The following EPC1 variants were observed in gnomAD, a reference collection of about 807,000 sequenced individuals.
The protein encoded by EPC1 is enhancer of polycomb homolog 1.
EPC1 carries 12 observed loss-of-function variants against 98.4 expected under a neutral mutation model. That is an observed-to-expected ratio of 0.12 (90% CI 0.08 to 0.20). The LOEUF (loss-of-function observed/expected upper bound fraction) is 0.20. Ranked by LOEUF, EPC1 falls within the 10% of genes least tolerant of loss-of-function variation. The probability of loss-of-function intolerance (pLI) is 1.00; values close to 1 mark genes in which losing one functional copy is unlikely to be tolerated. For synonymous variants in EPC1, 357 were observed against 363.9 expected, an observed-to-expected ratio of 0.98 and a Z score of 0.21; for missense variants, 729 against 990.5, an observed-to-expected ratio of 0.74 and a Z score of 3.54.
At chr10:32,290,678 C>G (rs1836965060) in intron 6 of EPC1, among the ~76,000 whole-genome samples, 1 of 151,578 alleles carries the variant, frequency 6.6e-6, no homozygotes, top group Admixed American at 6.6e-5. Context: ...GGAAGAGAAA[C>G]AAAAATAAAA....
Position 32,295,632 on chromosome 10 carries a change from C to G in EPC1, c.314-1895G>C, listed in dbSNP as rs573762456. ...GATTAAAACTGTTAGATTAAAAACA[C>G]TTGATATATTTTGTTCCTAACCAAA... is the stretch of plus-strand genomic sequence containing the variant. On this transcript the variant is annotated intron_variant, in intron 2 of 13. Transcript: ENST00000319778. Among the ~76,000 whole-genome samples, 3 of 152,256 alleles carry G rather than the reference C, an allele frequency of 2.0e-5. No individual in the cohort carries two copies. The East Asian group carries it at 5.8e-4, about 29-fold the overall frequency.
rs1336563498 is a variant in EPC1 at position 32,346,989 on chromosome 10, C to T, written c.-74G>A. On this transcript the variant is annotated 5_prime_UTR_variant, in exon 1 of 14. Coordinates refer to ENST00000319778, the MANE Select transcript of EPC1 (RefSeq NM_001272004.3). Reference sequence around the variant, plus strand: ...GCGGGATCATGGAGAACCGGGGGTTCGGTCCCCACTCGCCAACCGCTGCCG... The same window carrying T: ...GCGGGATCATGGAGAACCGGGGGTTTGGTCCCCACTCGCCAACCGCTGCCG... 2.5e-6 allele frequency: 4 copies of T among 1,576,144 alleles called. No individual in the cohort carries two copies. The highest frequency in any genetic ancestry group is 1.7e-5 in the Admixed American group (1 of 57,398).
intron 1 of EPC1, among the ~76,000 whole-genome samples, chr10:32,334,602 A>G (rs1429203346): frequency 6.6e-6 from 1 of 152,334 alleles, no homozygotes; most frequent in East Asian, 1.9e-4. Context: ...CTCTTTATAC[A>G]CTAGCTGCTT....
intron 1 of EPC1, among the ~76,000 whole-genome samples, chr10:32,319,273 G>C (rs966485652): frequency 1.3e-5 from 2 of 152,124 alleles, no homozygotes; most frequent in African/African-American, 4.8e-5. Flanking sequence ...TCAGAATCTG[G>C]AAAAAAATTC....
chr10:32,332,433 G>A (rs1454408315), intron 1 of EPC1, among the ~76,000 whole-genome samples: 3 of 152,176 alleles, frequency 2.0e-5, no homozygotes, highest in South Asian at 4.1e-4. Context: ...GTGAACAAGG[G>A]TTGGTCTGTG....
At chr10:32,358,688 G>A (rs946543527) in intron 1 of EPC1, among the ~76,000 whole-genome samples, 5 of 151,114 alleles carry the variant, frequency 3.3e-5, no homozygotes, top group East Asian at 3.9e-4. Flanking sequence ...AAATTTTCAC[G>A]GTTTAAGGCA....
At chr10:32,275,400 G>A (rs1237213835) in intron 10 of EPC1, among the ~76,000 whole-genome samples, 3 of 152,230 alleles carry the variant, frequency 2.0e-5, no homozygotes, top group African/African-American at 7.2e-5. Context: ...TTGGGAGGCC[G>A]AGGTGGGTGG....
At chr10:32,293,569 G>A (rs1834970870) in intron 3 of EPC1, 23 bp downstream of exon 3, 3 of 1,600,686 alleles carry the variant, frequency 1.9e-6, no homozygotes, top group African/African-American at 2.7e-5. Context: ...GTATATACTT[G>A]TTATATACAA....
chr10:32,288,518 T>A (rs1488240554), intron 6 of EPC1, among the ~76,000 whole-genome samples: 3 of 151,920 alleles, frequency 2.0e-5, no homozygotes, highest in Non-Finnish European at 2.9e-5. Flanking sequence ...GCTCGCTAAT[T>A]TTTTGTATTT....
chr10:32,317,496 G>T (rs1015823955), intron 1 of EPC1, among the ~76,000 whole-genome samples: 2 of 152,024 alleles, frequency 1.3e-5, no homozygotes, highest in Admixed American at 1.3e-4. Context: ...AAAAAAATTA[G>T]CCGGGTGTGG....
At chr10:32,283,149 G>T (rs1366796518) in intron 10 of EPC1, 1 of 152,120 alleles carries the variant, frequency 6.6e-6, no homozygotes, top group Non-Finnish European at 1.5e-5. Context: ...AATAACATGG[G>T]TTTGAACTGC....
chr10:32,354,633 T>G (rs1487818600), intron 1 of EPC1, among the ~76,000 whole-genome samples: 2 of 146,904 alleles, frequency 1.4e-5, no homozygotes, highest in Non-Finnish European at 3.0e-5. Context: ...TTCTATAACC[T>G]TAGGATTTAC....
intron 10 of EPC1, chr10:32,283,892 C>T (rs553984560): frequency 2.3e-4 from 35 of 152,144 alleles, no homozygotes; most frequent in African/African-American, 4.6e-4. Flanking sequence ...AATTAGTTTA[C>T]GGAACATTTT....
intron 1 of EPC1, among the ~76,000 whole-genome samples, chr10:32,334,416 C>T (rs796760214): frequency 2.7e-5 from 4 of 150,134 alleles, no homozygotes; most frequent in African/African-American, 9.9e-5. Flanking sequence ...AGATTCTAGA[C>T]TTTGAGCTGT....
intron 1 of EPC1, among the ~76,000 whole-genome samples, chr10:32,368,396 T>G (rs1456781092): frequency 6.6e-6 from 1 of 152,154 alleles, no homozygotes; most frequent in Non-Finnish European, 1.5e-5. Flanking sequence ...CACAGCCACG[T>G]GTGTTCTTCC....
rs78554937 is a variant in EPC1 at position 32,339,859 on chromosome 10, T to A, written c.153+6904A>T. On this transcript the variant is annotated intron_variant, in intron 1 of 13. Coordinates refer to ENST00000319778, the MANE Select transcript of EPC1 (RefSeq NM_001272004.3). Reference sequence around the variant, plus strand: ...CTAAAGTTCTTTCAGTGACGTTAAGTGACTTGTCAATGGATACAAAATCAA... The same window carrying A: ...CTAAAGTTCTTTCAGTGACGTTAAGAGACTTGTCAATGGATACAAAATCAA... 6.2e-4 allele frequency among the ~76,000 whole-genome samples: 95 copies of A among 152,342 alleles called. No homozygotes were observed. The East Asian group carries it at 0.016, about 26-fold the overall frequency.
chr10:32,305,087 A>C (rs1835799023), intron 2 of EPC1, among the ~76,000 whole-genome samples: 1 of 152,210 alleles, frequency 6.6e-6, no homozygotes, highest in Non-Finnish European at 1.5e-5. Flanking sequence ...TTCATCACCA[A>C]ATGTCACACA....
At chr10:32,280,428 G>T (rs2132673043) in intron 10 of EPC1, among the ~76,000 whole-genome samples, 1 of 152,022 alleles carries the variant, frequency 6.6e-6, no homozygotes, top group East Asian at 1.9e-4. Flanking sequence ...TCCAGCCTGG[G>T]AGACAGAGTG....
chr10:32,317,796 T>G (rs1836643975), intron 1 of EPC1, among the ~76,000 whole-genome samples: 1 of 152,222 alleles, frequency 6.6e-6, no homozygotes, highest in African/African-American at 2.4e-5. Flanking sequence ...AGGTTATTAC[T>G]CTCTACCTAT....
Sources: allele counts gnomAD v4.1 joint callset (sites outside exome capture counted in the v4.1 genomes callset), GRCh38; gene constraint gnomAD v4.1.1; transcripts MANE v1.5; gene names NCBI Gene and HGNC (gene_info 2026-07-23, HGNC 2026-07-21).